The following ASF1B variants were observed in gnomAD, a reference collection of about 807,000 sequenced individuals.
The protein encoded by ASF1B is histone chaperone ASF1B.
A neutral mutation model predicts 16.6 loss-of-function variants in ASF1B; 10 were observed. That is an observed-to-expected ratio of 0.60 (90% confidence interval 0.37 to 1.02). ASF1B has a LOEUF of 1.02. Among genes scored for constraint, ASF1B ranks in the 50% least tolerant of loss-of-function variants. ASF1B has a pLI of 0.01. For missense variants in ASF1B, 240 were observed against 266.0 expected, an observed-to-expected ratio of 0.90 and a Z score of 0.68; for synonymous variants, 101 against 106.2, an observed-to-expected ratio of 0.95 and a Z score of 0.30.
chr19:14,136,316 G>A (rs751789794), intron 1 of ASF1B, 32 bp downstream of exon 1: 8 of 1,593,060 alleles, frequency 5.0e-6, no homozygotes, highest in Non-Finnish European at 6.0e-6. Flanking sequence ...GTCGGCCCGG[G>A]GGTGGGGGTC....
intron 1 of ASF1B, among the ~76,000 whole-genome samples, chr19:14,132,006 G>T (rs932233553): frequency 6.6e-6 from 1 of 151,634 alleles, no homozygotes; most frequent in African/African-American, 2.4e-5. Context: ...ACCCAACTGG[G>T]GCTTAGGGGT....
At position 14,126,239 on chromosome 19, in the gene ASF1B, T is replaced by C. The variant is rs1165713169; in HGVS notation, c.110-2A>G. 1 of 1,606,544 alleles carries C rather than the reference T, an allele frequency of 6.2e-7. No individual in the cohort carries two copies. Among genetic ancestry groups the C allele is most frequent in the South Asian group, 1.1e-5 (1 of 90,994 alleles). ...CATAAATGATCTTCCACTCCAGGTC[T>C]GCAAAGATATAGGAGGGTTAACTAA... On this transcript the variant is annotated splice_acceptor_variant, in intron 1 of 3. Coordinates refer to ENST00000263382, the MANE Select transcript of ASF1B (RefSeq NM_018154.3). LOFTEE classifies it high-confidence loss of function.
At position 14,120,520 on chromosome 19, in the gene ASF1B, C is replaced by T. The variant is rs761802938; in HGVS notation, c.548G>A (p.Gly183Asp). ...GLPLNCTPIK[G>D]LGLPGCIPGL... ...AGGGATGCAGCCAGGGAGCCCCAAG[C>T]CCTTGATAGGAGTGCAGTTGAGTGG... The change falls in exon 4 of 4, where the codon GGC becomes GAC. Residue 183 changes from glycine to aspartate, a missense_variant. Gly to Asp is a moderately conservative substitution (Grantham distance 94). Coordinates refer to ENST00000263382, the MANE Select transcript of ASF1B (RefSeq NM_018154.3). 6.2e-7 allele frequency: 1 copy of T among 1,613,358 alleles called. No homozygotes were observed. The highest frequency in any genetic ancestry group is 1.1e-5 in the South Asian group (1 of 91,024).
intron 1 of ASF1B, among the ~76,000 whole-genome samples, chr19:14,134,166 G>A (rs1338593424): frequency 6.6e-6 from 1 of 152,066 alleles, no homozygotes; most frequent in Non-Finnish European, 1.5e-5. Context: ...CCTGCCGTCG[G>A]GGAGCTGGGA....
intron 2 of ASF1B, among the ~76,000 whole-genome samples, chr19:14,125,457 C>CT (rs1163957156): frequency 6.6e-6 from 1 of 150,482 alleles, no homozygotes; most frequent in Non-Finnish European, 1.5e-5. Context: ...TCAGTGGCAG[C>CT]TTTGACACAG....
At chr19:14,130,220 G>A (rs369273267) in intron 1 of ASF1B, among the ~76,000 whole-genome samples, 11 of 151,552 alleles carry the variant, frequency 7.3e-5, no homozygotes, top group East Asian at 5.9e-4. Context: ...CACCACGCCC[G>A]GCTAATTTTT....
intron 1 of ASF1B, among the ~76,000 whole-genome samples, chr19:14,127,788 C>T (rs1967341219): frequency 6.6e-6 from 1 of 152,078 alleles, no homozygotes; most frequent in Non-Finnish European, 1.5e-5. Flanking sequence ...AGGCGCCCGC[C>T]ACCACAGCCG....
rs138345768 is a variant in ASF1B at position 14,136,389 on chromosome 19, C to T, written c.68G>A (p.Arg23Gln). 2.5e-6 allele frequency: 4 copies of T among 1,613,406 alleles called. No homozygotes were observed. The African/African-American group carries it at 5.3e-5, about 22-fold the overall frequency. ...ENPSPFHSPF[R>Q]FEISFECSEA... ...ACTGCACTCGAAGCTGATCTCGAAC[C>T]GGAAGGGGCTGTGGAAAGGGCTCGG... Residue 23 changes from arginine (R) to glutamine (Q), a missense_variant, in exon 1 of 4, where the codon CGG (arginine) becomes CAG (glutamine). Arg to Gln is a conservative substitution (Grantham distance 43). Coordinates refer to ENST00000263382, the MANE Select transcript of ASF1B (RefSeq NM_018154.3).
Position 14,120,242 on chromosome 19 carries a change from G to T in ASF1B, c.*217C>A, listed in dbSNP as rs775946328. On this transcript the variant is annotated 3_prime_UTR_variant, in exon 4 of 4. Transcript: ENST00000263382. ...AGAACACAAGTCAGAATTTAGAACT[G>T]AAGTACCTGCTTCTTATAGGCCTGT... The T allele has an allele frequency of 9.3e-6, 5 of 537,574 alleles. No homozygotes were observed. Among genetic ancestry groups the T allele is most frequent in the African/African-American group, 3.9e-5 (2 of 51,058 alleles). 33.3% of individuals were successfully genotyped at this position (537,574 alleles called of 1,614,324 possible).
intron 2 of ASF1B, among the ~76,000 whole-genome samples, chr19:14,123,784 CTA>C (rs1967277971): frequency 1.4e-5 from 2 of 144,874 alleles, no homozygotes. Flanking sequence ...TCAAGCGAGC[CTA>C]TTTTTTTTTT....
intron 1 of ASF1B, among the ~76,000 whole-genome samples, chr19:14,129,973 C>T (rs1430735195): frequency 6.6e-6 from 1 of 151,462 alleles, no homozygotes; most frequent in Non-Finnish European, 1.5e-5. Flanking sequence ...CCTCTGCACT[C>T]CAGCCTGGGT....
At chr19:14,129,940 G>A (rs550166688) in intron 1 of ASF1B, among the ~76,000 whole-genome samples, 2 of 151,686 alleles carry the variant, frequency 1.3e-5, no homozygotes, top group African/African-American at 4.8e-5. Flanking sequence ...GGGAGGCTGA[G>A]GTTGCAGTGA....
Position 14,136,535 on chromosome 19 carries a change from T to TG in ASF1B, c.-80dup. 1 of 1,282,792 alleles carries TG rather than the reference T, an allele frequency of 7.8e-7. No individual in the cohort carries two copies. The highest frequency in any genetic ancestry group is 1.3e-5 in the South Asian group (1 of 76,456). The allele number at this position is 1,282,792 out of a possible 1,614,324, so 79.5% of individuals were successfully genotyped here. On this transcript the variant is annotated 5_prime_UTR_variant, in exon 1 of 4. Coordinates refer to ENST00000263382, the MANE Select transcript of ASF1B (RefSeq NM_018154.3). ...CCGCGCCTGGGTCCGGTGGGGTCAG[T>TG]GGGGTAGGGCTGACCAGGTCCACTC...
At chr19:14,131,544 G>A (rs775703424) in intron 1 of ASF1B, among the ~76,000 whole-genome samples, 8 of 146,718 alleles carry the variant, frequency 5.5e-5, no homozygotes, top group Non-Finnish European at 8.9e-5. Context: ...GTGCAGTGGT[G>A]CAATCTCGGC....
At position 14,126,971 on chromosome 19, in the gene ASF1B, G is replaced by C. The variant is rs936018787; in HGVS notation, c.110-734C>G. Reference sequence around the variant, plus strand: ...CAGTCTCCCTCTGTTGCCTAGGCTGGTGTGCAGCGGGATGTTCATGGCTCA... The same window carrying C: ...CAGTCTCCCTCTGTTGCCTAGGCTGCTGTGCAGCGGGATGTTCATGGCTCA... On this transcript the variant is annotated intron_variant, in intron 1 of 3. Coordinates refer to ENST00000263382, the MANE Select transcript of ASF1B (RefSeq NM_018154.3). Among the ~76,000 whole-genome samples, 5 of 152,104 alleles carry C rather than the reference G, an allele frequency of 3.3e-5. No homozygotes were observed. In the East Asian group the frequency reaches 9.6e-4, roughly 29 times the overall value.
intron 1 of ASF1B, among the ~76,000 whole-genome samples, chr19:14,135,333 G>A (rs973377238): frequency 3.3e-5 from 5 of 152,096 alleles, no homozygotes; most frequent in Non-Finnish European, 5.9e-5. Context: ...ACTAGCTAAT[G>A]CCTGCCTGGC....
At position 14,123,908 on chromosome 19, in the gene ASF1B, A is replaced by G. The variant is rs78618091; in HGVS notation, c.226-2200T>C. ...TGGATTCAAATAATTCTCGTGCCTCAGCCTCCCGAGTAGCTAGGATAACAA... is the reference window on the plus strand; with the variant it reads ...TGGATTCAAATAATTCTCGTGCCTCGGCCTCCCGAGTAGCTAGGATAACAA... On this transcript the variant is annotated intron_variant, in intron 2 of 3. Coordinates refer to ENST00000263382, the MANE Select transcript of ASF1B (RefSeq NM_018154.3). 8.4e-3 allele frequency among the ~76,000 whole-genome samples: 1,273 copies of G among 151,384 alleles called. 16 individuals carry two copies. The highest frequency in any genetic ancestry group is 0.029 in the African/African-American group (1,175 of 41,208).
At chr19:14,129,727 A>G (rs1800473182) in intron 1 of ASF1B, among the ~76,000 whole-genome samples, 1 of 147,248 alleles carries the variant, frequency 6.8e-6, no homozygotes, top group Non-Finnish European at 1.5e-5. Flanking sequence ...AGAAGGAAAG[A>G]AAGGAAGAAA....
chr19:14,126,302 C>CT, intron 1 of ASF1B, 65 bp from the exon 2 acceptor site: 1 of 1,066,414 alleles, frequency 9.4e-7, no homozygotes, highest in Admixed American at 2.1e-5. Flanking sequence ...GGGATAGGCT[C>CT]TTGTATTTTT....
Sources: allele counts gnomAD v4.1 joint callset (sites outside exome capture counted in the v4.1 genomes callset), GRCh38; gene constraint gnomAD v4.1.1; transcripts MANE v1.5; gene names NCBI Gene and HGNC (gene_info 2026-07-23, HGNC 2026-07-21).